Variants in CATSPERG observed in about 807,000 individuals in gnomAD.
The protein encoded by CATSPERG is cation channel sperm-associated auxiliary subunit gamma.
A neutral mutation model predicts 145.0 loss-of-function variants in CATSPERG; 115 were observed. The observed-to-expected ratio is 0.79, with a 90% CI of 0.68 to 0.93. CATSPERG has a LOEUF of 0.93. Ranked by LOEUF, CATSPERG falls within the 40% of genes least tolerant of loss-of-function variation. CATSPERG has a pLI of 0.00. For missense variants in CATSPERG, 1,296 were observed against 1,490.1 expected (o/e 0.87, Z 2.14); for synonymous variants, 588 against 589.0 (o/e 1.00, Z 0.02).
intron 20 of CATSPERG, among the ~76,000 whole-genome samples, chr19:38,363,993 C>T (rs997237346): frequency 2.0e-4 from 30 of 152,244 alleles, no homozygotes; most frequent in African/African-American, 6.5e-4. Flanking sequence ...ACCTCCCAGA[C>T]GGGGTGGTGG....
chr19:38,348,461 T>A (rs976690749), intron 7 of CATSPERG, among the ~76,000 whole-genome samples: 1 of 149,872 alleles, frequency 6.7e-6, no homozygotes, highest in Admixed American at 6.8e-5. Context: ...TTCCACAAAC[T>A]TCGTTTTTTT....
At position 38,370,866 on chromosome 19, in the gene CATSPERG, C is replaced by T; in HGVS notation, c.*74C>T. The T allele has an allele frequency of 6.7e-7, 1 of 1,498,436 alleles. No individual in the cohort carries two copies. The highest frequency in any genetic ancestry group is 9.2e-7 in the Non-Finnish European group (1 of 1,089,384). The allele number at this position is 1,498,436 out of a possible 1,614,324, so 92.8% of individuals were successfully genotyped here. A position where few individuals can be genotyped will look rare whatever the true frequency, so the allele number is the denominator to read the frequency against. On this transcript the variant is annotated 3_prime_UTR_variant, in exon 29 of 29. Coordinates refer to ENST00000409235, the MANE Select transcript of CATSPERG (RefSeq NM_021185.5). ...GGCCCATCTTGAAGATGCAACCTGT[C>T]ACCCAGCCCAGGCCTCTCTTTCTGT...
chr19:38,343,843 A>G, intron 4 of CATSPERG, 119 bp downstream of exon 4: 1 of 1,407,762 alleles, frequency 7.1e-7, no homozygotes, highest in South Asian at 1.3e-5. Context: ...AGCACATTCC[A>G]TGGCCTAGAG....
chr19:38,338,977 G>A (rs1003215147), intron 3 of CATSPERG, among the ~76,000 whole-genome samples: 3 of 152,050 alleles, frequency 2.0e-5, no homozygotes, highest in Non-Finnish European at 2.9e-5. Flanking sequence ...GAAGTCCGGC[G>A]GAGTCAAAGG....
At chr19:38,344,236 C>A in intron 5 of CATSPERG, 60 bp from the exon 6 acceptor site, 2 of 1,537,486 alleles carry the variant, frequency 1.3e-6, no homozygotes, top group Non-Finnish European at 1.8e-6. Flanking sequence ...GAGGCAGCTA[C>A]GAGCTGTGGA....
intron 22 of CATSPERG, 39 bp downstream of exon 22, chr19:38,365,156 G>T: frequency 6.3e-7 from 1 of 1,588,976 alleles, no homozygotes; most frequent in South Asian, 1.1e-5. Flanking sequence ...GGAGGGGAAG[G>T]TTGGGGTCGG....
Position 38,347,250 on chromosome 19 carries a change from C to T in CATSPERG, c.825+645C>T, listed in dbSNP as rs918255277. On this transcript the variant is annotated intron_variant, in intron 7 of 28. Transcript: ENST00000409235. ...AAAAAAAACTGGGCGTGGTAGTGGG[C>T]GCCTGTAATCCCAGCTACTCAGGAG... 4.3e-4 allele frequency among the ~76,000 whole-genome samples: 65 copies of T among 151,928 alleles called. 1 individual carries two copies. The highest frequency in any genetic ancestry group is 1.5e-4 in the Non-Finnish European group (10 of 67,972).
chr19:38,367,122 G>C, intron 22 of CATSPERG, 34 bp from the exon 23 acceptor site: 1 of 1,591,194 alleles, frequency 6.3e-7, no homozygotes, highest in Non-Finnish European at 8.5e-7. Flanking sequence ...GGAGACCCTG[G>C]CCACCCCTGT....
At chr19:38,362,896 G>A in intron 20 of CATSPERG, 64 bp downstream of exon 20, 2 of 649,698 alleles carry the variant, frequency 3.1e-6, no homozygotes, top group Non-Finnish European at 4.7e-6. Context: ...TTTTTTTTTT[G>A]GAGACAGGGT....
At position 38,343,739 on chromosome 19, in the gene CATSPERG, G is replaced by T. The variant is rs1018856896; in HGVS notation, c.469+15G>T. 5.8e-6 allele frequency: 9 copies of T among 1,547,138 alleles called. No individual in the cohort carries two copies. The Admixed American group carries it at 7.9e-5, about 14-fold the overall frequency. On this transcript the variant is annotated intron_variant, in intron 4 of 28. Transcript: ENST00000409235. ...CCGCAGCAAAGGTGGGCCTGGGGGA[G>T]GCGGGAGGGATCGCAACCTGGCAGG...
intron 7 of CATSPERG, among the ~76,000 whole-genome samples, chr19:38,350,334 G>A (rs937729387): frequency 1.3e-5 from 2 of 152,114 alleles, no homozygotes; most frequent in Non-Finnish European, 2.9e-5. Flanking sequence ...ACTGAGACGG[G>A]GTTTCTCGCC....
chr19:38,359,652 C>A, intron 14 of CATSPERG, 71 bp downstream of exon 14: 1 of 1,532,460 alleles, frequency 6.5e-7, no homozygotes, highest in Non-Finnish European at 8.8e-7. Context: ...CTCTTTCCCC[C>A]GTCACAGTAA....
At chr19:38,348,307 C>T (rs1048234814) in intron 7 of CATSPERG, among the ~76,000 whole-genome samples, 3 of 151,602 alleles carry the variant, frequency 2.0e-5, no homozygotes, top group African/African-American at 4.9e-5. Flanking sequence ...TACAGGCATG[C>T]GCCACCTTAC....
At chr19:38,368,211 C>G in intron 26 of CATSPERG, 74 bp downstream of exon 26, 2 of 1,302,006 alleles carry the variant, frequency 1.5e-6, no homozygotes, top group East Asian at 2.3e-5. Context: ...CTTTCTGCCC[C>G]TAGGAGGCCT....
chr19:38,353,533 AGAAAATTAGC>A (rs1555732115), intron 8 of CATSPERG, among the ~76,000 whole-genome samples: 1 of 149,892 alleles, frequency 6.7e-6, no homozygotes, highest in African/African-American at 2.5e-5. Context: ...CTAAAAATAC[AGAAAATTAGC>A]AAAATTAGCT....
At chr19:38,369,949 A>G (rs764177326) in intron 26 of CATSPERG, 23 bp from the exon 27 acceptor site, 17 of 1,611,848 alleles carry the variant, frequency 1.1e-5, no homozygotes, top group Admixed American at 3.3e-5. Context: ...TGGTAGCACA[A>G]CTGCCTGATC....
chr19:38,357,825 A>G (rs1050783567), intron 11 of CATSPERG, among the ~76,000 whole-genome samples: 3 of 152,128 alleles, frequency 2.0e-5, no homozygotes, highest in Non-Finnish European at 4.4e-5. Context: ...GATGGTGGGT[A>G]CCTATAAACC....
rs772429526 is a variant in CATSPERG, at chr19:38,370,255, C to G, written c.3210C>G (p.Ile1070Met). The change falls in exon 28 of 29, where the codon ATC becomes ATG. Residue 1070 changes from isoleucine (I) to methionine (M), a missense_variant. Ile to Met is a conservative substitution (Grantham distance 10, BLOSUM62 1). Transcript: ENST00000409235. Reference sequence around the variant, plus strand: ...GTCCCAAGCGGGCCCTTTTCATCATCATGGTGAGTGGCTGTCCGGGAGCTG... The same window carrying G: ...GTCCCAAGCGGGCCCTTTTCATCATGATGGTGAGTGGCTGTCCGGGAGCTG... ...PLSPKRALFI[I>M]MVSASVFVGL... 2.5e-6 allele frequency: 4 copies of G among 1,613,046 alleles called. No individual in the cohort carries two copies. Among genetic ancestry groups the G allele is most frequent in the South Asian group, 2.2e-5 (2 of 91,078 alleles).
Position 38,337,654 on chromosome 19 carries a change from G to A in CATSPERG, c.324+8G>A. On this transcript the variant is annotated splice_region_variant and intron_variant, in intron 3 of 28. Transcript: ENST00000409235. ...TACTCCTGCGAGGAAAAGGTGAGTG[G>A]GTGCAGCACGGATAGGCTCATTCTA... 1 of 1,551,088 alleles carries A rather than the reference G, an allele frequency of 6.4e-7. No individual in the cohort carries two copies. The highest frequency in any genetic ancestry group is 1.2e-5 in the South Asian group (1 of 84,042).
Sources: gnomAD v4.1 joint callset for allele counts (sites outside exome capture counted in the v4.1 genomes callset) on GRCh38, gnomAD v4.1.1 for gene constraint, MANE v1.5 for transcripts, NCBI Gene and HGNC (gene_info 2026-07-23, HGNC 2026-07-21) for gene names.